The following ROBO2 variants were observed in gnomAD, a reference collection of about 807,000 sequenced individuals.
ROBO2 encodes the protein roundabout guidance receptor 2.
ROBO2 carries 53 observed loss-of-function variants against 160.8 expected under a neutral mutation model. The ratio of observed to expected loss-of-function variants is 0.33; its 90% CI spans 0.26 to 0.41. ROBO2 has a LOEUF of 0.41. Among genes scored for constraint, ROBO2 ranks in the 10% least tolerant of loss-of-function variants. The pLI is 1.00. For synonymous variants in ROBO2, 664 were observed against 611.7 expected (o/e 1.09, Z -1.26); for missense variants, 1,577 against 1,722.4 (o/e 0.92, Z 1.49).
chr3:77,590,977 G>C (rs549249007), intron 17 of ROBO2, among the ~76,000 whole-genome samples: 65 of 152,156 alleles, frequency 4.3e-4, no homozygotes, highest in African/African-American at 1.5e-3. Flanking sequence ...TTGGAGTAAG[G>C]CCAAGCCAGA....
At chr3:77,265,854 G>A (rs187750743) in intron 2 of ROBO2, among the ~76,000 whole-genome samples, 31 of 152,182 alleles carry the variant, frequency 2.0e-4, no homozygotes, top group Admixed American at 1.1e-3. Context: ...AATTAATTAC[G>A]TTTTACATCA....
At chr3:77,019,563 G>A (rs2149498444) in intron 2 of ROBO2, among the ~76,000 whole-genome samples, 1 of 152,212 alleles carries the variant, frequency 6.6e-6, no homozygotes, top group African/African-American at 2.4e-5. Context: ...TGAGCCGATG[G>A]GCCTTGAATG....
chr3:77,571,937 C>G (rs2093647142), intron 13 of ROBO2, among the ~76,000 whole-genome samples: 1 of 151,208 alleles, frequency 6.6e-6, no homozygotes, highest in Admixed American at 6.6e-5. Flanking sequence ...TGCACACAAT[C>G]AAGTTAAACT....
At chr3:76,042,479 A>G (rs1372186595) in intron 2 of ROBO2, among the ~76,000 whole-genome samples, 1 of 152,106 alleles carries the variant, frequency 6.6e-6, no homozygotes, top group Non-Finnish European at 1.5e-5. Context: ...TTATTTACAT[A>G]GGTTTAAGTG....
At chr3:77,450,258 C>T (rs2080987499) in intron 2 of ROBO2, among the ~76,000 whole-genome samples, 1 of 152,128 alleles carries the variant, frequency 6.6e-6, no homozygotes, top group Admixed American at 6.6e-5. Flanking sequence ...AGACACTACA[C>T]TACTTGTTCT....
intron 2 of ROBO2, among the ~76,000 whole-genome samples, chr3:76,326,075 T>G (rs1196408957): frequency 6.6e-6 from 1 of 152,180 alleles, no homozygotes; most frequent in African/African-American, 2.4e-5. Flanking sequence ...TAATTTTTGA[T>G]GATGCTAAAT....
At chr3:77,409,103 G>GTATATATATATATATA (rs57350639) in intron 2 of ROBO2, among the ~76,000 whole-genome samples, 2 of 129,654 alleles carry the variant, frequency 1.5e-5, no homozygotes, top group African/African-American at 5.3e-5. Context: ...ATATATATAT[G>GTATATATATATATATA]TATATATATA....
chr3:77,099,006 C>T (rs187568812), intron 2 of ROBO2, among the ~76,000 whole-genome samples: 1 of 151,744 alleles, frequency 6.6e-6, no homozygotes, highest in East Asian at 1.9e-4. Context: ...TATATTTTCT[C>T]CTAAATAATA....
At chr3:77,258,279 C>T (rs35149182) in intron 2 of ROBO2, among the ~76,000 whole-genome samples, 24 of 152,022 alleles carry the variant, frequency 1.6e-4, no homozygotes, top group Non-Finnish European at 3.1e-4. Flanking sequence ...TTACTGCTGG[C>T]TTAAGTTATA....
At chr3:77,300,782 AG>A (rs1215406741) in intron 2 of ROBO2, among the ~76,000 whole-genome samples, 1 of 152,100 alleles carries the variant, frequency 6.6e-6, no homozygotes, top group East Asian at 1.9e-4. Flanking sequence ...GGAGACATTT[AG>A]GGGCAGCTAC....
chr3:76,328,551 C>G (rs1466080200), intron 2 of ROBO2, among the ~76,000 whole-genome samples: 1 of 152,116 alleles, frequency 6.6e-6, no homozygotes, highest in Admixed American at 6.5e-5. Context: ...ACGGTGAAAC[C>G]CCATCTCTAC....
intron 2 of ROBO2, among the ~76,000 whole-genome samples, chr3:76,105,324 CAA>C (rs1347177138): frequency 6.6e-6 from 1 of 151,998 alleles, no homozygotes; most frequent in Non-Finnish European, 1.5e-5. Context: ...AAGAAAATAA[CAA>C]AAATATTTTC....
intron 2 of ROBO2, among the ~76,000 whole-genome samples, chr3:76,550,724 C>G (rs2083365162): frequency 6.6e-6 from 1 of 152,238 alleles, no homozygotes; most frequent in Non-Finnish European, 1.5e-5. Context: ...AGTGCTCACT[C>G]TGGTGTGGAG....
chr3:76,077,845 G>T (rs1385095598), intron 2 of ROBO2, among the ~76,000 whole-genome samples: 1 of 152,050 alleles, frequency 6.6e-6, no homozygotes, highest in Non-Finnish European at 1.5e-5. Flanking sequence ...GAAGATCAAA[G>T]AATTGATTTA....
chr3:77,291,655 A>G (rs1358678513), intron 2 of ROBO2, among the ~76,000 whole-genome samples: 8 of 151,996 alleles, frequency 5.3e-5, no homozygotes, highest in East Asian at 1.9e-4. Context: ...ATCACCCCAG[A>G]CATAAAGTAA....
intron 2 of ROBO2, among the ~76,000 whole-genome samples, chr3:76,646,397 G>C (rs1452324855): frequency 6.6e-6 from 1 of 152,140 alleles, no homozygotes; most frequent in Non-Finnish European, 1.5e-5. Flanking sequence ...GCCATTGATT[G>C]GTACAGCTTG....
At chr3:76,176,558 G>T (rs970441590) in intron 2 of ROBO2, among the ~76,000 whole-genome samples, 1 of 151,876 alleles carries the variant, frequency 6.6e-6, no homozygotes, top group Admixed American at 6.6e-5. Context: ...AGTGAGATTT[G>T]TGGAAAAAAA....
intron 2 of ROBO2, among the ~76,000 whole-genome samples, chr3:76,044,711 T>C (rs566217674): frequency 2.0e-5 from 3 of 152,002 alleles, no homozygotes; most frequent in Non-Finnish European, 4.4e-5. Context: ...CTCATAGGAA[T>C]GTGCAATGTG....
In ROBO2 at chr3:77,588,809, T is replaced by C. The variant is rs1311769656; in HGVS notation, c.2559T>C (p.Thr853=). 3.1e-6 allele frequency: 5 copies of C among 1,613,602 alleles called. No individual in the cohort carries two copies. The South Asian group carries it at 4.4e-5, about 14-fold the overall frequency. ...ATAACAGCATAACTGAGCAAATCAC[T>C]GATGTGGTGAAGCAACCAGCCTTTA... The change falls in exon 17 of 26, where the codon ACT becomes ACC. Residue 853 remains threonine, a synonymous_variant. Coordinates refer to ENST00000461745, the Ensembl canonical transcript of ROBO2.
Sources: gnomAD v4.1 joint callset for allele counts (sites outside exome capture counted in the v4.1 genomes callset) on GRCh38, gnomAD v4.1.1 for gene constraint, MANE v1.5 for transcripts, NCBI Gene and HGNC (gene_info 2026-07-23, HGNC 2026-07-21) for gene names.